The following DEUP1 variants were observed in gnomAD, a reference collection of about 807,000 sequenced individuals.
DEUP1 encodes the protein coiled-coil domain containing 67.
In DEUP1, 82 loss-of-function variants were observed where a neutral mutation model predicts 87.4. The ratio of observed to expected loss-of-function variants is 0.94; its 90% CI spans 0.78 to 1.13. The LOEUF (loss-of-function observed/expected upper bound fraction) is 1.13, where lower values mean the gene tolerates loss of function less well. Ranked by LOEUF, DEUP1 falls within the 50% of genes most tolerant of loss-of-function variation. The pLI is 0.00. For synonymous variants in DEUP1, 214 were observed against 222.7 expected (o/e 0.96, Z 0.35); for missense variants, 663 against 681.5 (o/e 0.97, Z 0.30).
intron 11 of DEUP1, among the ~76,000 whole-genome samples, chr11:93,407,324 A>C (rs1428854512): frequency 6.6e-6 from 1 of 152,176 alleles, no homozygotes; most frequent in Non-Finnish European, 1.5e-5. Flanking sequence ...TTTGTAGCCT[A>C]GAAACAATAG....
intron 7 of DEUP1, among the ~76,000 whole-genome samples, chr11:93,377,266 T>A (rs1225847424): frequency 6.6e-6 from 1 of 152,138 alleles, no homozygotes; most frequent in Non-Finnish European, 1.5e-5. Flanking sequence ...TTAGGTCTAG[T>A]GGTAATTGTT....
intron 13 of DEUP1, among the ~76,000 whole-genome samples, chr11:93,433,989 A>C (rs1948170489): frequency 1.3e-5 from 2 of 152,188 alleles, no homozygotes; most frequent in African/African-American, 4.8e-5. Context: ...AGGAGCCTCC[A>C]GTTCGGTGGA....
intron 1 of DEUP1, among the ~76,000 whole-genome samples, chr11:93,331,856 T>C (rs1943504006): frequency 6.6e-6 from 1 of 152,020 alleles, no homozygotes; most frequent in Non-Finnish European, 1.5e-5. Flanking sequence ...ACCAGCCTGA[T>C]CAACATGCGA....
chr11:93,380,439 T>C (rs531750081), intron 7 of DEUP1, among the ~76,000 whole-genome samples: 3 of 152,100 alleles, frequency 2.0e-5, no homozygotes, highest in Admixed American at 2.0e-4. Flanking sequence ...CTGGCTCTGT[T>C]GCCCAGGCTG....
intron 7 of DEUP1, chr11:93,383,716 A>AT (rs1946408605): frequency 1.9e-6 from 1 of 525,972 alleles, no homozygotes; most frequent in East Asian, 3.1e-5. Flanking sequence ...TGAACAAACA[A>AT]TTTTTTAAAA....
intron 10 of DEUP1, 47 bp downstream of exon 10, chr11:93,394,703 C>T: frequency 7.5e-7 from 1 of 1,333,662 alleles, no homozygotes; most frequent in Non-Finnish European, 1.0e-6. Flanking sequence ...CATTCTTGCT[C>T]AGTGCCAATA....
intron 7 of DEUP1, among the ~76,000 whole-genome samples, chr11:93,375,455 C>G (rs888637368): frequency 6.6e-6 from 1 of 152,060 alleles, no homozygotes; most frequent in South Asian, 2.1e-4. Context: ...TAAGGTATGT[C>G]CTTTCCATGC....
intron 2 of DEUP1, among the ~76,000 whole-genome samples, chr11:93,338,333 T>C (rs1024749697): frequency 1.3e-5 from 2 of 151,820 alleles, no homozygotes; most frequent in African/African-American, 2.4e-5. Context: ...TGTTCAGCAA[T>C]GTTTTGTCTT....
intron 8 of DEUP1, among the ~76,000 whole-genome samples, chr11:93,387,202 C>A (rs1946600209): frequency 6.6e-6 from 1 of 152,086 alleles, no homozygotes. Context: ...GAATTCTTAG[C>A]CTTCATCTTT....
At chr11:93,418,228 A>G in intron 13 of DEUP1, among the ~76,000 whole-genome samples, 1 of 152,146 alleles carries the variant, frequency 6.6e-6, no homozygotes, top group African/African-American at 2.4e-5. Flanking sequence ...AGAAACTACC[A>G]TCAGAGCGAA....
intron 4 of DEUP1, 40 bp downstream of exon 4, chr11:93,357,083 T>C: frequency 7.9e-7 from 1 of 1,258,448 alleles, no homozygotes. Context: ...CACATTTTGA[T>C]ATATTTTTTT....
chr11:93,405,497 G>A (rs559765042), intron 11 of DEUP1, among the ~76,000 whole-genome samples: 11 of 152,006 alleles, frequency 7.2e-5, no homozygotes, highest in African/African-American at 2.6e-4. Flanking sequence ...AACCTTCCCT[G>A]TATTGATTTG....
intron 9 of DEUP1, among the ~76,000 whole-genome samples, chr11:93,392,576 T>C (rs1255531823): frequency 6.6e-6 from 1 of 152,166 alleles, no homozygotes; most frequent in Non-Finnish European, 1.5e-5. Flanking sequence ...ATTATATTTT[T>C]GAGACAAGCT....
intron 2 of DEUP1, among the ~76,000 whole-genome samples, chr11:93,346,316 C>G (rs753720917): frequency 2.0e-5 from 3 of 152,130 alleles, no homozygotes; most frequent in Non-Finnish European, 4.4e-5. Flanking sequence ...CTCCGCCTTC[C>G]AGGCTCAAGT....
chr11:93,430,316 T>TG (rs952103207), intron 13 of DEUP1, among the ~76,000 whole-genome samples: 3 of 151,604 alleles, frequency 2.0e-5, no homozygotes, highest in African/African-American at 7.3e-5. Flanking sequence ...AGTAGTATGG[T>TG]GAAAAAAAAA....
intron 13 of DEUP1, among the ~76,000 whole-genome samples, chr11:93,430,298 G>C (rs1948063336): frequency 6.6e-6 from 1 of 151,742 alleles, no homozygotes; most frequent in Non-Finnish European, 1.5e-5. Flanking sequence ...GAATAAGATA[G>C]ACACATAAGT....
intron 13 of DEUP1, among the ~76,000 whole-genome samples, chr11:93,420,090 A>C (rs1947822245): frequency 6.6e-6 from 1 of 152,220 alleles, no homozygotes; most frequent in Non-Finnish European, 1.5e-5. Flanking sequence ...CTGATACCAA[A>C]GCCTGGCAGA....
intron 2 of DEUP1, 77 bp from the exon 3 acceptor site, chr11:93,355,294 G>T: frequency 8.2e-7 from 1 of 1,221,276 alleles, no homozygotes; most frequent in South Asian, 1.3e-5. Context: ...TTCAAGCTAT[G>T]CAGAGCAATG....
chr11:93,414,967 T>C (rs770734118), intron 12 of DEUP1, 33 bp from the exon 13 acceptor site: 1 of 1,231,466 alleles, frequency 8.1e-7, no homozygotes, highest in South Asian at 1.9e-5. Flanking sequence ...GTGTCCTTGA[T>C]AGCAACAACA....
Sources: allele counts gnomAD v4.1 joint callset (sites outside exome capture counted in the v4.1 genomes callset), GRCh38; gene constraint gnomAD v4.1.1; transcripts MANE v1.5; gene names NCBI Gene and HGNC (gene_info 2026-07-23, HGNC 2026-07-21).